Variants in LRP1B observed in about 807,000 individuals in gnomAD.
LRP1B encodes the protein LDL receptor related protein 1B.
In LRP1B, 217 loss-of-function variants were observed where a neutral mutation model predicts 556.6. That is an observed-to-expected ratio of 0.39 (90% CI 0.35 to 0.44). The LOEUF (loss-of-function observed/expected upper bound fraction) is 0.44. Ranked by LOEUF, LRP1B falls within the 20% of genes least tolerant of loss-of-function variation. The pLI is 1.00. For synonymous variants in LRP1B, 2,047 were observed against 1,865.8 expected, an observed-to-expected ratio of 1.10 and a Z score of -2.50; for missense variants, 5,053 against 5,620.8, an observed-to-expected ratio of 0.90 and a Z score of 3.23.
chr2:142,094,270 T>A (rs1000250487), intron 1 of LRP1B, among the ~76,000 whole-genome samples: 1 of 152,098 alleles, frequency 6.6e-6, no homozygotes, highest in Non-Finnish European at 1.5e-5. Context: ...TTTAAATTCC[T>A]TTTCAATAAC....
chr2:140,545,186 G>A (rs1277274304), intron 43 of LRP1B, among the ~76,000 whole-genome samples: 3 of 148,744 alleles, frequency 2.0e-5, no homozygotes, highest in Non-Finnish European at 4.4e-5. Context: ...CTAGGTATTA[G>A]TCCTTTGTCG....
rs1297536941 is a variant in LRP1B at position 141,184,089 on chromosome 2, C to G, written c.1013+4332G>C. On this transcript the variant is annotated intron_variant, in intron 7 of 90. Transcript: ENST00000389484. Reference sequence around the variant, plus strand: ...ACCTCAGTTACAATCCTCATTAGACCCCAATACTAAATAGTTTGATATTGA... The same window carrying G: ...ACCTCAGTTACAATCCTCATTAGACGCCAATACTAAATAGTTTGATATTGA... Among the ~76,000 whole-genome samples the G allele has an allele frequency of 2.0e-5, 3 of 152,028 alleles. No individual in the cohort carries two copies. In the East Asian group the frequency reaches 5.9e-4, roughly 30 times the overall value.
At chr2:140,465,983 A>T (rs1687529194) in intron 60 of LRP1B, among the ~76,000 whole-genome samples, 1 of 152,088 alleles carries the variant, frequency 6.6e-6, no homozygotes. Context: ...TACTGTTTGT[A>T]ATGGACTGTG....
chr2:141,293,215 A>G (rs1423720739), intron 3 of LRP1B, among the ~76,000 whole-genome samples: 2 of 152,198 alleles, frequency 1.3e-5, no homozygotes, highest in Admixed American at 6.5e-5. Context: ...AATTCACAAT[A>G]GAAAAGGAGA....
intron 3 of LRP1B, among the ~76,000 whole-genome samples, chr2:141,260,001 C>A (rs1050293650): frequency 6.6e-6 from 1 of 152,132 alleles, no homozygotes; most frequent in Admixed American, 6.5e-5. Context: ...CAATTTGGTG[C>A]TGTTTATTTT....
chr2:141,641,661 A>G (rs904297953), intron 2 of LRP1B, among the ~76,000 whole-genome samples: 1 of 152,158 alleles, frequency 6.6e-6, no homozygotes, highest in Non-Finnish European at 1.5e-5. Flanking sequence ...CTTACATTCC[A>G]TAGACATTTG....
intron 35 of LRP1B, among the ~76,000 whole-genome samples, chr2:140,718,037 AC>A (rs1485951192): frequency 6.6e-6 from 1 of 152,104 alleles, no homozygotes; most frequent in Non-Finnish European, 1.5e-5. Flanking sequence ...GAATCAATCA[AC>A]AAAAATAAAT....
chr2:141,229,534 T>G, intron 5 of LRP1B, 94 bp from the exon 6 acceptor site: 1 of 940,938 alleles, frequency 1.1e-6, no homozygotes, highest in Non-Finnish European at 1.6e-6. Flanking sequence ...TTCTATACTT[T>G]TAATAAATTC....
intron 1 of LRP1B, among the ~76,000 whole-genome samples, chr2:141,952,491 T>C (rs1037113776): frequency 1.3e-5 from 2 of 152,292 alleles, no homozygotes; most frequent in East Asian, 1.9e-4. Flanking sequence ...AAACATGATG[T>C]TTCTTGTTTT....
At chr2:141,922,301 C>A (rs1033558575) in intron 1 of LRP1B, among the ~76,000 whole-genome samples, 5 of 152,118 alleles carry the variant, frequency 3.3e-5, no homozygotes, top group Non-Finnish European at 5.9e-5. Context: ...TGCTCTAAAC[C>A]AACAACTATG....
intron 1 of LRP1B, among the ~76,000 whole-genome samples, chr2:141,979,203 T>C (rs1701974039): frequency 6.6e-6 from 1 of 152,200 alleles, no homozygotes; most frequent in African/African-American, 2.4e-5. Context: ...TGGACCTAAA[T>C]TGTACAACTC....
chr2:141,649,108 G>A (rs1341978417), intron 2 of LRP1B, among the ~76,000 whole-genome samples: 1 of 152,086 alleles, frequency 6.6e-6, no homozygotes, highest in African/African-American at 2.4e-5. Flanking sequence ...TGTTCAGCTG[G>A]GACACATTCC....
chr2:140,984,784 T>C (rs1398324961), intron 17 of LRP1B, among the ~76,000 whole-genome samples: 2 of 152,128 alleles, frequency 1.3e-5, no homozygotes, highest in Admixed American at 6.6e-5. Flanking sequence ...TATGAATTCA[T>C]TGTCTGTTCT....
At chr2:140,903,775 C>A (rs1694170173) in intron 22 of LRP1B, among the ~76,000 whole-genome samples, 3 of 146,428 alleles carry the variant, frequency 2.0e-5, no homozygotes, top group Non-Finnish European at 4.5e-5. Context: ...ATGATTCATT[C>A]AATGACGCCA....
At chr2:140,770,188 G>A (rs1421591027) in intron 34 of LRP1B, among the ~76,000 whole-genome samples, 2 of 151,898 alleles carry the variant, frequency 1.3e-5, no homozygotes, top group African/African-American at 4.8e-5. Flanking sequence ...TGAGGATTAA[G>A]TGAATTAATA....
chr2:140,763,202 A>G (rs1255278212), intron 35 of LRP1B, among the ~76,000 whole-genome samples: 13 of 152,178 alleles, frequency 8.5e-5, no homozygotes, highest in Admixed American at 5.2e-4. Flanking sequence ...AAATTTTTCA[A>G]TCTCTCAGCA....
At chr2:141,314,795 GAA>G (rs1203210369) in intron 3 of LRP1B, among the ~76,000 whole-genome samples, 45 of 52,256 alleles carry the variant, frequency 8.6e-4, no homozygotes, top group African/African-American at 1.7e-3. Flanking sequence ...CGTCTCAAAA[GAA>G]AAAAAAAAAA....
chr2:141,648,960 A>G (rs1387245897), intron 2 of LRP1B, among the ~76,000 whole-genome samples: 1 of 152,238 alleles, frequency 6.6e-6, no homozygotes, highest in Admixed American at 6.5e-5. Context: ...TAATTTTAAT[A>G]GTTATTTGAC....
At chr2:140,394,007 T>C (rs2105215374) in intron 66 of LRP1B, among the ~76,000 whole-genome samples, 1 of 152,272 alleles carries the variant, frequency 6.6e-6, no homozygotes, top group South Asian at 2.1e-4. Flanking sequence ...TACATGCTGT[T>C]TTGCAAATGT....
Sources: allele counts gnomAD v4.1 joint callset (sites outside exome capture counted in the v4.1 genomes callset), GRCh38; gene constraint gnomAD v4.1.1; transcripts MANE v1.5; gene names NCBI Gene and HGNC (gene_info 2026-07-23, HGNC 2026-07-21).